The following DLG2 variants were observed in gnomAD, a reference collection of about 807,000 sequenced individuals.
DLG2 encodes the protein discs large MAGUK scaffold protein 2.
A neutral mutation model predicts 132.5 loss-of-function variants in DLG2; 45 were observed. That is an observed-to-expected ratio of 0.34 (90% CI 0.27 to 0.44). DLG2 has a LOEUF of 0.44. Among genes scored for constraint, DLG2 ranks in the 20% least tolerant of loss-of-function variants. The probability of loss-of-function intolerance (pLI) is 1.00; values close to 1 mark genes in which losing one functional copy is unlikely to be tolerated. For synonymous variants in DLG2, 424 were observed against 419.6 expected (o/e 1.01, Z -0.13); for missense variants, 1,045 against 1,196.9 (o/e 0.87, Z 1.87).
At chr11:85,051,193 A>G (rs981349372) in intron 6 of DLG2, among the ~76,000 whole-genome samples, 11 of 152,162 alleles carry the variant, frequency 7.2e-5, no homozygotes, top group Non-Finnish European at 1.5e-4. Flanking sequence ...TTAGGACACA[A>G]TGATGTATAA....
In DLG2 at chr11:83,457,847, G is replaced by C. The variant is rs1444154661; in HGVS notation, c.*1971C>G. 1 of 152,614 alleles carries C rather than the reference G, an allele frequency of 6.6e-6. No homozygotes were observed. Among genetic ancestry groups the C allele is most frequent in the African/African-American group, 2.4e-5 (1 of 41,434 alleles). The allele number at this position is 152,614 out of a possible 1,614,324, so 9.5% of individuals were successfully genotyped here. A position where few individuals can be genotyped will look rare whatever the true frequency, so the allele number is the denominator to read the frequency against. ...CTCTGGAAATTTAACTTTCATGAGA[G>C]GGAGAATGCATTGCTAGCCCTTCCA... On this transcript the variant is annotated 3_prime_UTR_variant, in exon 28 of 28. Coordinates refer to ENST00000376104, the MANE Select transcript of DLG2 (RefSeq NM_001142699.3).
chr11:84,004,195 C>G (rs946382634), intron 11 of DLG2, among the ~76,000 whole-genome samples: 2 of 152,040 alleles, frequency 1.3e-5, no homozygotes, highest in Non-Finnish European at 2.9e-5. Flanking sequence ...CAACAAAATA[C>G]TAGCAAACTG....
chr11:83,586,576 G>A (rs967299561), intron 19 of DLG2, among the ~76,000 whole-genome samples: 3 of 152,164 alleles, frequency 2.0e-5, no homozygotes, highest in African/African-American at 7.2e-5. Context: ...TATCCCTGAG[G>A]TACAGGGTCA....
intron 3 of DLG2, among the ~76,000 whole-genome samples, chr11:85,525,291 A>G (rs1359431123): frequency 1.3e-5 from 2 of 152,212 alleles, no homozygotes; most frequent in African/African-American, 4.8e-5. Flanking sequence ...GTAATCAGTG[A>G]CATCTACAAA....
intron 8 of DLG2, among the ~76,000 whole-genome samples, chr11:84,232,856 G>A (rs576204363): frequency 6.6e-6 from 1 of 152,262 alleles, no homozygotes; most frequent in South Asian, 2.1e-4. Context: ...AGAGATCAAG[G>A]CCATGATATA....
At chr11:83,720,488 G>T (rs963174807) in intron 18 of DLG2, among the ~76,000 whole-genome samples, 21 of 151,576 alleles carry the variant, frequency 1.4e-4, no homozygotes, top group African/African-American at 4.4e-4. Flanking sequence ...ACCTACAGAT[G>T]GAAGAATGAG....
chr11:84,973,021 G>C (rs967796390), intron 6 of DLG2, among the ~76,000 whole-genome samples: 59 of 150,410 alleles, frequency 3.9e-4, no homozygotes, highest in African/African-American at 1.4e-3. Context: ...GCAGTGGCGC[G>C]ATCTCAGCTC....
At chr11:85,267,850 C>T (rs1262064962) in intron 4 of DLG2, among the ~76,000 whole-genome samples, 1 of 151,640 alleles carries the variant, frequency 6.6e-6, no homozygotes, top group Non-Finnish European at 1.5e-5. Context: ...GTTTACCCCA[C>T]ACAACGATCT....
At chr11:85,583,378 G>A (rs1171038809) in intron 3 of DLG2, among the ~76,000 whole-genome samples, 1 of 149,484 alleles carries the variant, frequency 6.7e-6, no homozygotes, top group East Asian at 2.0e-4. Context: ...GTTGAGACAG[G>A]GTCTCACAAT....
intron 14 of DLG2, among the ~76,000 whole-genome samples, chr11:83,960,135 C>T (rs2088157648): frequency 6.6e-6 from 1 of 151,986 alleles, no homozygotes; most frequent in Non-Finnish European, 1.5e-5. Flanking sequence ...ACCACAAATG[C>T]CCTTCCTCAT....
chr11:83,989,910 T>C (rs775935780), intron 11 of DLG2, among the ~76,000 whole-genome samples: 6 of 151,976 alleles, frequency 3.9e-5, no homozygotes, highest in Non-Finnish European at 8.8e-5. Flanking sequence ...CTAAAGAAAA[T>C]TGGTTACCAT....
chr11:84,765,732 A>C (rs2068317592), intron 6 of DLG2, among the ~76,000 whole-genome samples: 1 of 152,114 alleles, frequency 6.6e-6, no homozygotes, highest in African/African-American at 2.4e-5. Flanking sequence ...GAAGTTAAAA[A>C]ACATAAAAGT....
intron 6 of DLG2, among the ~76,000 whole-genome samples, chr11:85,029,746 C>T (rs1165916836): frequency 1.3e-5 from 2 of 152,186 alleles, no homozygotes; most frequent in Non-Finnish European, 2.9e-5. Context: ...CTGCCAATCA[C>T]TGAGTTTTGG....
At chr11:85,255,255 T>C (rs565628919) in intron 4 of DLG2, among the ~76,000 whole-genome samples, 2 of 152,160 alleles carry the variant, frequency 1.3e-5, no homozygotes, top group South Asian at 2.1e-4. Context: ...ACACTACTAA[T>C]AAGCAACTTA....
chr11:84,750,450 C>G (rs540392200), intron 6 of DLG2, among the ~76,000 whole-genome samples: 10 of 151,866 alleles, frequency 6.6e-5, no homozygotes, highest in Non-Finnish European at 1.2e-4. Context: ...GGCATAGGCC[C>G]GTACATGTTT....
At chr11:85,095,812 C>T (rs1172829326) in intron 6 of DLG2, among the ~76,000 whole-genome samples, 1 of 152,204 alleles carries the variant, frequency 6.6e-6, no homozygotes, top group Non-Finnish European at 1.5e-5. Flanking sequence ...CTTCCTCTTA[C>T]AGCACTCATA....
chr11:84,290,563 T>C (rs1488825076), intron 7 of DLG2, among the ~76,000 whole-genome samples: 2 of 152,160 alleles, frequency 1.3e-5, no homozygotes, highest in Non-Finnish European at 2.9e-5. Context: ...TTAACATTGA[T>C]TGAATATCCA....
chr11:84,880,098 G>A (rs945690616), intron 6 of DLG2, among the ~76,000 whole-genome samples: 3 of 152,128 alleles, frequency 2.0e-5, no homozygotes, highest in African/African-American at 2.4e-5. Flanking sequence ...AGATGATGTA[G>A]TAGTCATAGT....
chr11:85,088,984 A>G (rs531401522), intron 6 of DLG2, among the ~76,000 whole-genome samples: 8 of 152,320 alleles, frequency 5.3e-5, no homozygotes, highest in South Asian at 4.1e-4. Context: ...GTAGACAATC[A>G]CAAGAAAACC....
Sources: allele counts gnomAD v4.1 joint callset (sites outside exome capture counted in the v4.1 genomes callset), GRCh38; gene constraint gnomAD v4.1.1; transcripts MANE v1.5; gene names NCBI Gene and HGNC (gene_info 2026-07-23, HGNC 2026-07-21).